MYO18B: variants seen among roughly 807,000 people sequenced by gnomAD.
MYO18B encodes the protein unconventional myosin-XVIIIb.
Under a neutral mutation model 273.0 loss-of-function variants are expected in MYO18B, and 204 were observed. The observed-to-expected ratio is 0.75, with a 90% CI of 0.67 to 0.84. The LOEUF (loss-of-function observed/expected upper bound fraction) is 0.84. Among genes scored for constraint, MYO18B ranks in the 40% least tolerant of loss-of-function variants. The probability of loss-of-function intolerance (pLI) is 0.00; values close to 1 mark genes in which losing one functional copy is unlikely to be tolerated. For missense variants in MYO18B, 3,212 were observed against 3,287.6 expected (o/e 0.98, Z 0.56); for synonymous variants, 1,330 against 1,305.7 (o/e 1.02, Z -0.40).
At chr22:25,950,268 A>G (rs2092774803) in intron 36 of MYO18B, 99 bp from the exon 37 acceptor site, 17 of 956,802 alleles carry the variant, frequency 1.8e-5, no homozygotes, top group Non-Finnish European at 2.5e-5. Context: ...AGATGTAGAC[A>G]TCTGTGGGTG....
chr22:25,791,141 A>G (rs1337456707), intron 11 of MYO18B, among the ~76,000 whole-genome samples: 2 of 140,516 alleles, frequency 1.4e-5, no homozygotes, highest in African/African-American at 5.3e-5. Flanking sequence ...TGTCTACATC[A>G]ACAGATCATT....
chr22:25,805,827 G>A (rs6004770), intron 12 of MYO18B, among the ~76,000 whole-genome samples: 2,587 of 152,182 alleles, frequency 0.017, 70 homozygotes, highest in East Asian at 0.1. Flanking sequence ...GTCCTCTCCC[G>A]CTGTCCCTAC....
chr22:25,769,151 C>T lies in MYO18B; in HGVS notation c.1235C>T (p.Thr412Ile). The T allele has an allele frequency of 1.9e-6, 3 of 1,613,304 alleles. No individual in the cohort carries two copies. Among genetic ancestry groups the T allele is most frequent in the Non-Finnish European group, 1.7e-6 (2 of 1,179,668 alleles). Residue 412 changes from threonine (T) to isoleucine (I), a missense_variant, in exon 4 of 44, where the codon ACA (threonine) becomes ATA (isoleucine). Coordinates refer to ENST00000335473, the MANE Select transcript of MYO18B (RefSeq NM_032608.7). Reference protein sequence around the residue: ...SGNAGEARSQTEKGCEAPKEV... With the variant: ...SGNAGEARSQIEKGCEAPKEV... ...AACGCAGGTGAAGCTCGGAGTCAGA[C>T]AGAGAAGGGCTGTGAAGCCCCAAAG...
chr22:25,796,226 A>G (rs1222283567), intron 11 of MYO18B, among the ~76,000 whole-genome samples: 2 of 6,564 alleles, frequency 3.0e-4, no homozygotes, highest in African/African-American at 6.3e-4. Flanking sequence ...GGAATCATAA[A>G]TCTTAAAAAA....
intron 15 of MYO18B, among the ~76,000 whole-genome samples, chr22:25,830,449 G>GC (rs1414576619): frequency 6.6e-6 from 1 of 152,210 alleles, no homozygotes; most frequent in East Asian, 1.9e-4. Flanking sequence ...TGGTTCTTGA[G>GC]CTTGTGTTCA....
At position 25,798,027 on chromosome 22, in the gene MYO18B, G is replaced by C; in HGVS notation, c.2451G>C (p.Glu817Asp). Residue 817 changes from glutamate to aspartate, a missense_variant, in exon 12 of 44, where the codon GAG becomes GAC. By Grantham distance (45) the Glu-to-Asp change is conservative. Coordinates refer to ENST00000335473, the MANE Select transcript of MYO18B (RefSeq NM_032608.7). ...CCATGGAGATGCTCGGCATCTCAGA[G>C]AGCGAGCAGCGGGCTGTTTGGCGGG... ...QGAMEMLGIS[E>D]SEQRAVWRVL... The C allele has an allele frequency of 6.2e-7, 1 of 1,613,596 alleles. No individual in the cohort carries two copies. The highest frequency in any genetic ancestry group is 1.1e-5 in the South Asian group (1 of 91,066).
intron 25 of MYO18B, among the ~76,000 whole-genome samples, chr22:25,884,490 A>G (rs1043979797): frequency 2.0e-5 from 3 of 152,182 alleles, no homozygotes; most frequent in African/African-American, 7.2e-5. Context: ...GCTAGGGAGT[A>G]TCTCCTGGTG....
chr22:25,955,030 A>G, intron 38 of MYO18B, 149 bp from the exon 39 acceptor site: 1 of 875,136 alleles, frequency 1.1e-6, no homozygotes, highest in Non-Finnish European at 1.7e-6. Context: ...CATGTTGTTA[A>G]TTCTTCATTT....
chr22:25,832,857 A>G (rs570394810), intron 15 of MYO18B, 60 bp from the exon 16 acceptor site: 2 of 1,435,522 alleles, frequency 1.4e-6, no homozygotes, highest in Admixed American at 1.8e-5. Context: ...CTTCTTCAGA[A>G]GTTTTCTTCC....
At chr22:25,996,331 G>C (rs181297499) in intron 40 of MYO18B, among the ~76,000 whole-genome samples, 1 of 152,326 alleles carries the variant, frequency 6.6e-6, no homozygotes, top group Non-Finnish European at 1.5e-5. Flanking sequence ...CTGAGCACCT[G>C]TTGCGTGCGA....
At chr22:25,950,286 T>C in intron 36 of MYO18B, 81 bp from the exon 37 acceptor site, 1 of 1,215,346 alleles carries the variant, frequency 8.2e-7, no homozygotes, top group South Asian at 1.4e-5. Context: ...GTGGGGAAAG[T>C]AGGGATTTTC....
At chr22:25,829,694 C>T (rs1236931508) in intron 15 of MYO18B, among the ~76,000 whole-genome samples, 1 of 151,946 alleles carries the variant, frequency 6.6e-6, no homozygotes, top group East Asian at 1.9e-4. Context: ...AAAAATTAGC[C>T]AGACTCAGTG....
intron 34 of MYO18B, among the ~76,000 whole-genome samples, chr22:25,945,259 A>G (rs553172971): frequency 6.6e-6 from 1 of 152,222 alleles, no homozygotes; most frequent in South Asian, 2.1e-4. Flanking sequence ...GGGCCGTCAA[A>G]CCACCTCCTA....
intron 39 of MYO18B, among the ~76,000 whole-genome samples, chr22:25,983,064 C>A (rs1021186495): frequency 2.0e-5 from 3 of 152,174 alleles, no homozygotes; most frequent in Non-Finnish European, 4.4e-5. Flanking sequence ...CTTGATTCTG[C>A]AGCCTTGAAA....
chr22:25,829,055 G>C (rs998150680), intron 15 of MYO18B, 87 bp downstream of exon 15: 1 of 1,402,160 alleles, frequency 7.1e-7, no homozygotes, highest in Non-Finnish European at 9.7e-7. Flanking sequence ...CCATTCCCCA[G>C]GAGCCTGCAG....
intron 28 of MYO18B, chr22:25,897,673 A>G (rs1019722082): frequency 6.6e-6 from 1 of 152,208 alleles, no homozygotes; most frequent in Non-Finnish European, 1.5e-5. Flanking sequence ...TGCTTATTTA[A>G]AGCAATTTTT....
chr22:25,762,171 G>A (rs918002795), intron 2 of MYO18B, among the ~76,000 whole-genome samples: 4 of 152,292 alleles, frequency 2.6e-5, no homozygotes, highest in Admixed American at 2.0e-4. Flanking sequence ...CATCAGGAAG[G>A]AAAGAAGGGA....
At chr22:25,750,653 A>T (rs1364804775) in intron 1 of MYO18B, among the ~76,000 whole-genome samples, 2 of 152,184 alleles carry the variant, frequency 1.3e-5, no homozygotes, top group African/African-American at 4.8e-5. Context: ...TATGGGCAAG[A>T]CAGAATTCTA....
At chr22:25,753,381 A>G (rs943337345) in intron 1 of MYO18B, among the ~76,000 whole-genome samples, 2 of 152,224 alleles carry the variant, frequency 1.3e-5, no homozygotes, top group South Asian at 2.1e-4. Context: ...CAGACCAGTC[A>G]GCTCTCTGTA....
Sources: allele counts gnomAD v4.1 joint callset (sites outside exome capture counted in the v4.1 genomes callset), GRCh38; gene constraint gnomAD v4.1.1; transcripts MANE v1.5; gene names NCBI Gene and HGNC (gene_info 2026-07-23, HGNC 2026-07-21).